The following CIDEC variants were observed in gnomAD, a reference collection of about 807,000 sequenced individuals.
The protein encoded by CIDEC is lipid transferase CIDEC.
A neutral mutation model predicts 21.9 loss-of-function variants in CIDEC; 11 were observed. The observed-to-expected ratio is 0.50, with a 90% CI of 0.32 to 0.83. CIDEC has a LOEUF of 0.83. Ranked by LOEUF, CIDEC falls within the 40% of genes least tolerant of loss-of-function variation. The probability of loss-of-function intolerance (pLI) is 0.04; values close to 1 mark genes in which losing one functional copy is unlikely to be tolerated. For missense variants in CIDEC, 302 were observed against 302.3 expected (o/e 1.00, Z 0.01); for synonymous variants, 127 against 124.9 (o/e 1.02, Z -0.11).
chr3:9,878,698 G>A, intron 2 of CIDEC, 187 bp from the exon 3 acceptor site: 4 of 1,498,460 alleles, frequency 2.7e-6, no homozygotes, highest in Non-Finnish European at 3.6e-6. Flanking sequence ...AGACCAAGCT[G>A]GAGACCCCAC....
At position 9,878,458 on chromosome 3, in the gene CIDEC, A is replaced by C; in HGVS notation, c.29T>G (p.Leu10Arg). Residue 10 changes from leucine (L) to arginine (R), a missense_variant, in exon 3 of 7, where the codon CTT (leucine) becomes CGT (arginine). Physicochemically the swap from Leu to Arg is moderately radical, Grantham distance 102. Coordinates refer to ENST00000336832, the MANE Select transcript of CIDEC (RefSeq NM_001321142.2). MEYAMKSLS[L>R]LYPKSLSRHV... ...CCTGGAGAGGGACTTGGGGTAGAGA[A>C]GGCTAAGGGACTTCATGGCGTATTC... 1 of 1,613,894 alleles carries C rather than the reference A, an allele frequency of 6.2e-7. No homozygotes were observed. Among genetic ancestry groups the C allele is most frequent in the Non-Finnish European group, 8.5e-7 (1 of 1,179,836 alleles).
intron 4 of CIDEC, among the ~76,000 whole-genome samples, chr3:9,876,132 T>C (rs1214566385): frequency 1.3e-5 from 2 of 152,230 alleles, no homozygotes; most frequent in Non-Finnish European, 2.9e-5. Context: ...ACATTTGACC[T>C]GTACCAGGCA....
intron 6 of CIDEC, 65 bp from the exon 7 acceptor site, chr3:9,867,361 T>C: frequency 3.8e-6 from 6 of 1,563,022 alleles, no homozygotes; most frequent in Non-Finnish European, 5.2e-6. Flanking sequence ...CGTTCACGCC[T>C]GTAATCCTAG....
chr3:9,870,193 C>T lies in CIDEC; in HGVS notation c.337G>A (p.Gly113Arg), dbSNP rs2082328822. 6.2e-7 allele frequency: 1 copy of T among 1,614,172 alleles called. No homozygotes were observed. Among genetic ancestry groups the T allele is most frequent in the South Asian group, 1.1e-5 (1 of 91,092 alleles). Reference protein sequence around the residue: ...GDTVFMVLQKGQKWQPPSEQG... With the variant: ...GDTVFMVLQKRQKWQPPSEQG... ...TCTGATGGGGGCTGCCATTTCTGCC[C>T]CTTCTGGAGGACCATGAACACTGTA... Residue 113 changes from glycine (G) to arginine (R), a missense_variant, in exon 5 of 7, where the codon GGG becomes AGG. By Grantham distance (125) the Gly-to-Arg change is moderately radical. Transcript: ENST00000336832.
intron 1 of CIDEC, among the ~76,000 whole-genome samples, chr3:9,879,602 C>T (rs375620533): frequency 2.6e-5 from 4 of 152,318 alleles, no homozygotes; most frequent in African/African-American, 9.6e-5. Context: ...TCTGTCACCA[C>T]TTTTTCTCCT....
At chr3:9,869,788 C>A (rs1353142948) in intron 6 of CIDEC, 94 bp downstream of exon 6, 23 of 1,192,046 alleles carry the variant, frequency 1.9e-5, no homozygotes, top group Non-Finnish European at 2.7e-5. Flanking sequence ...CAAAGCCAGA[C>A]CCAGGCGCTG....
intron 4 of CIDEC, among the ~76,000 whole-genome samples, chr3:9,874,452 G>T (rs1394446610): frequency 1.3e-5 from 2 of 151,816 alleles, no homozygotes; most frequent in African/African-American, 4.8e-5. Context: ...GGAGTTTGAG[G>T]CTGCAGTGAG....
chr3:9,870,582 G>GT, intron 4 of CIDEC: 1 of 1,058,974 alleles, frequency 9.4e-7, no homozygotes, highest in Non-Finnish European at 1.4e-6. Flanking sequence ...ACAATTCAGG[G>GT]TTTTTTAGTA....
chr3:9,871,393 C>CTTTTTTTTTTTTTTTTTT, intron 4 of CIDEC, among the ~76,000 whole-genome samples: 1 of 134,564 alleles, frequency 7.4e-6, no homozygotes. Flanking sequence ...TGCTTTGTTT[C>CTTTTTTTTTTTTTTTTTT]CCAGGCTGGT....
chr3:9,879,532 G>C (rs553450642), intron 1 of CIDEC, among the ~76,000 whole-genome samples: 49 of 152,202 alleles, frequency 3.2e-4, no homozygotes, highest in Non-Finnish European at 5.7e-4. Flanking sequence ...TAGCCACATT[G>C]CCATGTGGCT....
rs200012502 is a variant in CIDEC at position 9,870,011 on chromosome 3, C to T, written c.425G>A (p.Arg142His). ...HKPAKKIDVA[R>H]VTFDLYKLNP... is the part of the protein sequence containing the mutation. ...CAGCTTGTACAGATCAAACGTTACA[C>T]GGGCCACATCAATCTTCTTGGCAGG... is the stretch of plus-strand genomic sequence containing the variant. Residue 142 changes from arginine (R) to histidine (H), a missense_variant, in exon 6 of 7, where the codon CGT becomes CAT. By Grantham distance (29) the Arg-to-His change is conservative. Transcript: ENST00000336832. 2.8e-4 allele frequency: 450 copies of T among 1,614,084 alleles called. 1 individual carries two copies. The highest frequency in any genetic ancestry group is 3.6e-4 in the Non-Finnish European group (423 of 1,180,046).
chr3:9,874,273 T>C (rs2082389470), intron 4 of CIDEC, among the ~76,000 whole-genome samples: 1 of 152,086 alleles, frequency 6.6e-6, no homozygotes, highest in Non-Finnish European at 1.5e-5. Flanking sequence ...CCCAGCACTT[T>C]GGGAGGCCGA....
Position 9,870,287 on chromosome 3 carries a change from G to A in CIDEC, c.243C>T (p.Phe81=), listed in dbSNP as rs1225189128. ...RDTLMLADKP[F]FLVLEEDGTT... ...TGCCATCTTCCTCCAGCACCAGGAA[G>A]AAGGGCTTGTCTGCCAGCATCAGAG... The change falls in exon 5 of 7, where the codon TTC becomes TTT. Residue 81 remains phenylalanine (F), a synonymous_variant. Transcript: ENST00000336832. The A allele has an allele frequency of 6.2e-7, 1 of 1,613,994 alleles. No individual in the cohort carries two copies. The highest frequency in any genetic ancestry group is 8.5e-7 in the Non-Finnish European group (1 of 1,180,044).
chr3:9,869,378 G>A (rs547253164), intron 6 of CIDEC, among the ~76,000 whole-genome samples: 7 of 152,008 alleles, frequency 4.6e-5, no homozygotes, highest in Admixed American at 6.6e-5. Context: ...AGCCTCCTGA[G>A]TAGTTGGGAT....
At chr3:9,878,796 C>T (rs1009947675) in intron 2 of CIDEC, 146 bp downstream of exon 2, 16 of 1,536,262 alleles carry the variant, frequency 1.0e-5, no homozygotes, top group Non-Finnish European at 1.4e-5. Flanking sequence ...TTCTCATCCC[C>T]TGGCTCTGGT....
At chr3:9,873,260 T>C (rs569057649) in intron 4 of CIDEC, among the ~76,000 whole-genome samples, 1 of 152,290 alleles carries the variant, frequency 6.6e-6, no homozygotes, top group African/African-American at 2.4e-5. Context: ...ACTAGTTTCA[T>C]CATCAAAAAA....
intron 3 of CIDEC, 62 bp downstream of exon 3, chr3:9,878,372 A>C (rs927682880): frequency 1.4e-5 from 18 of 1,257,822 alleles, no homozygotes; most frequent in Non-Finnish European, 2.0e-5. Flanking sequence ...TTAAAGTTTG[A>C]GAAGTTCTGG....
chr3:9,869,034 G>A (rs1167714997), intron 6 of CIDEC, among the ~76,000 whole-genome samples: 1 of 152,098 alleles, frequency 6.6e-6, no homozygotes, highest in Non-Finnish European at 1.5e-5. Flanking sequence ...TCACTGTGTT[G>A]CCGAGGCTGG....
Position 9,866,998 on chromosome 3 carries a change from A to T in CIDEC, c.*136T>A. On this transcript the variant is annotated 3_prime_UTR_variant, in exon 7 of 7. Coordinates refer to ENST00000336832, the MANE Select transcript of CIDEC (RefSeq NM_001321142.2). Reference sequence around the variant, plus strand: ...CCCAGGTTTCCAGCTCCTCCTCCTCACTCAGGGTCCTGCGCGGTGAGGGAG... The same window carrying T: ...CCCAGGTTTCCAGCTCCTCCTCCTCTCTCAGGGTCCTGCGCGGTGAGGGAG... 1.0e-6 allele frequency: 1 copy of T among 982,482 alleles called. No individual in the cohort carries two copies. Among genetic ancestry groups the T allele is most frequent in the African/African-American group, 1.6e-5 (1 of 62,872 alleles). The allele number at this position is 982,482 out of a possible 1,614,324, so 60.9% of individuals were successfully genotyped here.
Sources: allele counts gnomAD v4.1 joint callset (sites outside exome capture counted in the v4.1 genomes callset), GRCh38; gene constraint gnomAD v4.1.1; transcripts MANE v1.5; gene names NCBI Gene and HGNC (gene_info 2026-07-23, HGNC 2026-07-21).